EXOC2: variants seen among roughly 807,000 people sequenced by gnomAD.
The protein encoded by EXOC2 is SEC5-like 1.
A neutral mutation model predicts 131.8 loss-of-function variants in EXOC2; 70 were observed. The observed-to-expected ratio is 0.53, with a 90% CI of 0.44 to 0.65. EXOC2 has a LOEUF of 0.65. EXOC2 is among the 30% of genes least tolerant of loss of function. The pLI is 0.00. For synonymous variants in EXOC2, 411 were observed against 398.4 expected (o/e 1.03, Z -0.38); for missense variants, 923 against 1,108.6 (o/e 0.83, Z 2.38).
chr6:588,237 G>C (rs763951652), intron 11 of EXOC2, among the ~76,000 whole-genome samples: 1 of 152,256 alleles, frequency 6.6e-6, no homozygotes, highest in Non-Finnish European at 1.5e-5. Flanking sequence ...ATGACAGAGG[G>C]AACAGTTAAG....
At chr6:576,920 T>C (rs1483556864) in intron 11 of EXOC2, 38 bp from the exon 12 acceptor site, 3 of 1,601,882 alleles carry the variant, frequency 1.9e-6, no homozygotes, top group Non-Finnish European at 1.7e-6. Context: ...GTATATAGCA[T>C]GCTCTATATA....
Position 486,740 on chromosome 6 carries a change from C to A in EXOC2, c.2706G>T (p.Lys902Asn). The A allele has an allele frequency of 6.2e-7, 1 of 1,614,144 alleles. No homozygotes were observed. The highest frequency in any genetic ancestry group is 8.5e-7 in the Non-Finnish European group (1 of 1,180,000). The change falls in exon 28 of 28, where the codon AAG becomes AAT. Residue 902 changes from lysine to asparagine, a missense_variant. By Grantham distance (94) the Lys-to-Asn change is moderately conservative. Coordinates refer to ENST00000230449, the MANE Select transcript of EXOC2 (RefSeq NM_018303.6). ...GCTGCAAGTGCATGCTACTCTTGAACTTGTTCAGGAGCTCTTCCAGTAACC... is the reference window on the plus strand; with the variant it reads ...GCTGCAAGTGCATGCTACTCTTGAAATTGTTCAGGAGCTCTTCCAGTAACC... ...DKKLLEELLN[K>N]FKSSMHLQLT...
At chr6:574,357 G>A (rs542364398) in intron 12 of EXOC2, among the ~76,000 whole-genome samples, 10 of 152,178 alleles carry the variant, frequency 6.6e-5, no homozygotes, top group South Asian at 2.1e-4. Flanking sequence ...TGCAAGTAGT[G>A]GCCTCATCAA....
At chr6:521,562 C>T (rs1224914553) in intron 23 of EXOC2, among the ~76,000 whole-genome samples, 5 of 150,488 alleles carry the variant, frequency 3.3e-5, no homozygotes, top group African/African-American at 1.2e-4. Flanking sequence ...CAGGGTCTGT[C>T]TGTCACCCAG....
intron 24 of EXOC2, among the ~76,000 whole-genome samples, 177 bp downstream of exon 24, chr6:499,468 C>G (rs1244706934): frequency 6.9e-6 from 1 of 144,262 alleles, no homozygotes; most frequent in African/African-American, 2.7e-5. Flanking sequence ...CACACACACA[C>G]ACACAGAGAC....
Position 549,254 on chromosome 6 carries a change from T to C in EXOC2, c.2159A>G (p.Tyr720Cys), listed in dbSNP as rs767425792. The C allele has an allele frequency of 5.6e-6, 9 of 1,614,244 alleles. No individual in the cohort carries two copies. The highest frequency in any genetic ancestry group is 7.6e-6 in the Non-Finnish European group (9 of 1,180,038). ...ATTTAGGAAGGTGTGACGTTCTAGA[T>C]AGCAGCAATTACTTAGGACTATCAA... ...RLLIVLSNCCYLERHTFLNIA... is the reference protein window; with the variant it reads ...RLLIVLSNCCCLERHTFLNIA... The change falls in exon 22 of 28, where the codon TAT becomes TGT. Residue 720 changes from tyrosine (Y) to cysteine (C), a missense_variant. Tyr to Cys is a radical substitution (Grantham distance 194, BLOSUM62 -2). Coordinates refer to ENST00000230449, the MANE Select transcript of EXOC2 (RefSeq NM_018303.6).
intron 1 of EXOC2, among the ~76,000 whole-genome samples, chr6:681,023 G>A (rs538731200): frequency 6.6e-6 from 1 of 152,212 alleles, no homozygotes. Flanking sequence ...ATAAGATGCG[G>A]CTTCTGAGAG....
intron 7 of EXOC2, among the ~76,000 whole-genome samples, chr6:599,774 A>G (rs564393078): frequency 1.8e-3 from 279 of 152,326 alleles, no homozygotes; most frequent in African/African-American, 6.3e-3. Flanking sequence ...TTTACAAATG[A>G]CAAATGTGAA....
chr6:492,931 G>T (rs1484986194), intron 25 of EXOC2, among the ~76,000 whole-genome samples: 3 of 152,158 alleles, frequency 2.0e-5, no homozygotes, highest in Non-Finnish European at 4.4e-5. Context: ...AAAGTTTTAA[G>T]AAAAAAGTTA....
intron 5 of EXOC2, among the ~76,000 whole-genome samples, 158 bp from the exon 6 acceptor site, chr6:617,993 T>C (rs1761099153): frequency 6.6e-6 from 1 of 152,208 alleles, no homozygotes; most frequent in South Asian, 2.1e-4. Context: ...AGCTTTCAAA[T>C]TGTTGCGTAG....
chr6:585,229 A>G (rs979596797), intron 11 of EXOC2, among the ~76,000 whole-genome samples: 1 of 152,176 alleles, frequency 6.6e-6, no homozygotes, highest in Non-Finnish European at 1.5e-5. Flanking sequence ...TAAAATATTA[A>G]CCTTAGTTTT....
intron 19 of EXOC2, 83 bp downstream of exon 19, chr6:555,871 A>G: frequency 7.4e-7 from 1 of 1,346,340 alleles, no homozygotes; most frequent in Non-Finnish European, 1.0e-6. Flanking sequence ...GGTGAACGTC[A>G]TCTGCAGATT....
At chr6:508,705 T>C (rs990152330) in intron 23 of EXOC2, among the ~76,000 whole-genome samples, 2 of 152,278 alleles carry the variant, frequency 1.3e-5, no homozygotes, top group African/African-American at 4.8e-5. Context: ...CTTCCAAGTT[T>C]TGGCAATTAT....
chr6:660,151 C>T (rs1452611368), intron 1 of EXOC2, among the ~76,000 whole-genome samples: 1 of 151,472 alleles, frequency 6.6e-6, no homozygotes, highest in Non-Finnish European at 1.5e-5. Flanking sequence ...TACAGAACTC[C>T]ACCCCCATCC....
At position 491,169 on chromosome 6, in the gene EXOC2, A is replaced by G. The variant is rs1423457696; in HGVS notation, c.2577T>C (p.Cys859=). Residue 859 remains cysteine, a synonymous_variant, in exon 26 of 28, where the codon TGT becomes TGC. Transcript: ENST00000230449. ...NGALQARLEI[C]ALRDTVAVYL... is the part of the protein sequence containing the mutation. Reference sequence around the variant, plus strand: ...AAACAGCCACAGTGTCCCTCAAAGCACAGATTTCAAGTCTCGCCTGAAAAT... The same window carrying G: ...AAACAGCCACAGTGTCCCTCAAAGCGCAGATTTCAAGTCTCGCCTGAAAAT... 1 of 1,614,218 alleles carries G rather than the reference A, an allele frequency of 6.2e-7. No homozygotes were observed. Among genetic ancestry groups the G allele is most frequent in the East Asian group, 2.2e-5 (1 of 44,884 alleles).
intron 27 of EXOC2, among the ~76,000 whole-genome samples, chr6:487,976 T>G (rs1006069489): frequency 6.6e-6 from 1 of 152,218 alleles, no homozygotes; most frequent in African/African-American, 2.4e-5. Flanking sequence ...TTATCATATT[T>G]ATTTTAAAGA....
chr6:653,762 A>C (rs894843072), intron 1 of EXOC2, among the ~76,000 whole-genome samples: 3 of 152,246 alleles, frequency 2.0e-5, no homozygotes, highest in Non-Finnish European at 4.4e-5. Context: ...TTCATTGAAG[A>C]CAAATAGCCT....
chr6:603,432 C>CT (rs1561913151), intron 7 of EXOC2, among the ~76,000 whole-genome samples: 2 of 152,118 alleles, frequency 1.3e-5, no homozygotes. Context: ...GCCTGACACT[C>CT]TGTGTGGAGT....
At chr6:610,580 T>C (rs1760663391) in intron 6 of EXOC2, among the ~76,000 whole-genome samples, 1 of 152,198 alleles carries the variant, frequency 6.6e-6, no homozygotes, top group Admixed American at 6.5e-5. Flanking sequence ...ACTTCACATT[T>C]CAGATGTTCA....
Sources: gnomAD v4.1 joint callset for allele counts (sites outside exome capture counted in the v4.1 genomes callset) on GRCh38, gnomAD v4.1.1 for gene constraint, MANE v1.5 for transcripts, NCBI Gene and HGNC (gene_info 2026-07-23, HGNC 2026-07-21) for gene names.